DTNA: variants seen among roughly 807,000 people sequenced by gnomAD.
DTNA encodes the protein dystrophin-related protein 3.
DTNA carries 43 observed loss-of-function variants against 100.7 expected under a neutral mutation model. The observed-to-expected ratio is 0.43, with a 90% CI of 0.33 to 0.55. The LOEUF is 0.55. Ranked by LOEUF, DTNA falls within the 20% of genes least tolerant of loss-of-function variation. The probability of loss-of-function intolerance (pLI) is 0.04; values close to 1 mark genes in which losing one functional copy is unlikely to be tolerated. For missense variants in DTNA, 798 were observed against 953.9 expected, an observed-to-expected ratio of 0.84 and a Z score of 2.15; for synonymous variants, 349 against 347.9, an observed-to-expected ratio of 1.00 and a Z score of -0.04.
At position 34,812,062 on chromosome 18, in the gene DTNA, T is replaced by C. The variant is rs201461820; in HGVS notation, c.552T>C (p.Gly184=). 1 of 1,614,050 alleles carries C rather than the reference T, an allele frequency of 6.2e-7. No homozygotes were observed. The highest frequency in any genetic ancestry group is 1.3e-5 in the African/African-American group (1 of 75,036). Residue 184 remains glycine (G), a synonymous_variant, in exon 6 of 23, where the codon GGT becomes GGC. Coordinates refer to ENST00000444659, the MANE Select transcript of DTNA (RefSeq NM_001386795.1). ...VLKLPTAVFE[G]PSFGYTEQSA... is the part of the protein sequence containing the mutation. ...AACTACCCACGGCAGTTTTTGAAGGTCCTTCATTTGGTTACACAGAACAGT... is the reference window on the plus strand; with the variant it reads ...AACTACCCACGGCAGTTTTTGAAGGCCCTTCATTTGGTTACACAGAACAGT...
At chr18:34,866,273 C>T in intron 17 of DTNA, 1 of 1,560,256 alleles carries the variant, frequency 6.4e-7, no homozygotes, top group South Asian at 1.2e-5. Flanking sequence ...GCTTCTTTTT[C>T]AATGTAGTGC....
chr18:34,880,571 T>C, intron 20 of DTNA, among the ~76,000 whole-genome samples: 1 of 152,172 alleles, frequency 6.6e-6, no homozygotes, highest in East Asian at 1.9e-4. Flanking sequence ...TGATGTTGCT[T>C]AATATGAAAA....
intron 10 of DTNA, chr18:34,829,162 A>C: frequency 1.2e-6 from 2 of 1,612,898 alleles, no homozygotes; most frequent in African/African-American, 1.3e-5. Flanking sequence ...CCATTAACCC[A>C]AAATATGATT....
chr18:34,519,010 A>T (rs899003818), intron 1 of DTNA, among the ~76,000 whole-genome samples: 1 of 152,082 alleles, frequency 6.6e-6, no homozygotes, highest in Admixed American at 6.6e-5. Flanking sequence ...GAGTGAATAG[A>T]TCTGAGGAGT....
At chr18:34,534,842 A>G (rs1401629989) in intron 1 of DTNA, among the ~76,000 whole-genome samples, 1 of 152,128 alleles carries the variant, frequency 6.6e-6, no homozygotes, top group African/African-American at 2.4e-5. Flanking sequence ...TAATGGCTGC[A>G]TAGTATTCCA....
At chr18:34,733,531 C>T (rs1028879562) in intron 1 of DTNA, among the ~76,000 whole-genome samples, 3 of 152,152 alleles carry the variant, frequency 2.0e-5, no homozygotes, top group African/African-American at 4.8e-5. Context: ...GACCCTGCCA[C>T]CTTGGGATCC....
intron 1 of DTNA, among the ~76,000 whole-genome samples, chr18:34,571,934 G>A (rs975781469): frequency 5.9e-5 from 9 of 152,168 alleles, no homozygotes; most frequent in Admixed American, 2.0e-4. Flanking sequence ...GCAACACAGC[G>A]TTCATTTTTC....
chr18:34,851,252 C>T (rs1365544850), intron 14 of DTNA, among the ~76,000 whole-genome samples: 3 of 152,114 alleles, frequency 2.0e-5, no homozygotes, highest in African/African-American at 7.2e-5. Context: ...CAGGTGTGTG[C>T]CACCAGGCCC....
At chr18:34,700,035 G>A (rs2081154047) in intron 1 of DTNA, among the ~76,000 whole-genome samples, 1 of 152,170 alleles carries the variant, frequency 6.6e-6, no homozygotes, top group Non-Finnish European at 1.5e-5. Context: ...ATGCAGTGAT[G>A]AAGAAAATCA....
At chr18:34,653,523 T>C (rs540189899) in intron 1 of DTNA, among the ~76,000 whole-genome samples, 1 of 152,272 alleles carries the variant, frequency 6.6e-6, no homozygotes, top group East Asian at 1.9e-4. Flanking sequence ...TAAAGAGTTT[T>C]TTAAAAATAC....
In DTNA at chr18:34,725,308, C is replaced by T. The variant is rs149407597; in HGVS notation, c.-2+14863C>T. On this transcript the variant is annotated intron_variant, in intron 1 of 22. Coordinates refer to ENST00000444659, the MANE Select transcript of DTNA (RefSeq NM_001386795.1). ...AGAAACTATCAACAGAGTGAACAGGCAACCTACAGAATAGGAGAAAATTTT... is the reference window on the plus strand; with the variant it reads ...AGAAACTATCAACAGAGTGAACAGGTAACCTACAGAATAGGAGAAAATTTT... 2.2e-3 allele frequency among the ~76,000 whole-genome samples: 329 copies of T among 151,766 alleles called. 2 individuals are homozygous for T. Among genetic ancestry groups the T allele is most frequent in the African/African-American group, 7.3e-3 (304 of 41,436 alleles).
chr18:34,652,236 A>G (rs2060542208), intron 1 of DTNA, among the ~76,000 whole-genome samples: 1 of 152,144 alleles, frequency 6.6e-6, no homozygotes, highest in East Asian at 1.9e-4. Flanking sequence ...AGATCACCAG[A>G]AGGAATAGCA....
chr18:34,654,826 A>G (rs946557016), intron 1 of DTNA, among the ~76,000 whole-genome samples: 3 of 152,054 alleles, frequency 2.0e-5, no homozygotes, highest in Non-Finnish European at 4.4e-5. Context: ...TCCTGGGTTC[A>G]AGCGATTCTC....
intron 1 of DTNA, among the ~76,000 whole-genome samples, chr18:34,497,890 T>A (rs1422920224): frequency 6.6e-6 from 1 of 152,188 alleles, no homozygotes; most frequent in Non-Finnish European, 1.5e-5. Context: ...ACTATTAAAA[T>A]TTTTAAAATC....
At chr18:34,512,121 G>C (rs922978506) in intron 1 of DTNA, among the ~76,000 whole-genome samples, 1 of 151,998 alleles carries the variant, frequency 6.6e-6, no homozygotes, top group Non-Finnish European at 1.5e-5. Context: ...TTTAATCCCA[G>C]AAGTCCCACT....
chr18:34,501,051 C>A (rs2039868476), intron 1 of DTNA, among the ~76,000 whole-genome samples: 1 of 152,160 alleles, frequency 6.6e-6, no homozygotes, highest in Non-Finnish European at 1.5e-5. Flanking sequence ...CAGTGGAAAG[C>A]ATTCACTCTT....
chr18:34,805,596 A>T (rs2095340367), intron 4 of DTNA, among the ~76,000 whole-genome samples: 2 of 152,168 alleles, frequency 1.3e-5, no homozygotes, highest in Admixed American at 1.3e-4. Flanking sequence ...AAGTGCTAGG[A>T]TTACAGACGT....
At chr18:34,726,257 A>G (rs2086666156) in intron 1 of DTNA, among the ~76,000 whole-genome samples, 1 of 152,176 alleles carries the variant, frequency 6.6e-6, no homozygotes, top group Non-Finnish European at 1.5e-5. Context: ...AATTTAAAAA[A>G]AAATAAAAAG....
At chr18:34,745,618 C>T (rs748485250) in intron 1 of DTNA, among the ~76,000 whole-genome samples, 5 of 152,204 alleles carry the variant, frequency 3.3e-5, no homozygotes, top group Non-Finnish European at 5.9e-5. Context: ...TCACTGTCTT[C>T]TCCCACCTTC....
Sources: allele counts gnomAD v4.1 joint callset (sites outside exome capture counted in the v4.1 genomes callset), GRCh38; gene constraint gnomAD v4.1.1; transcripts MANE v1.5; gene names NCBI Gene and HGNC (gene_info 2026-07-23, HGNC 2026-07-21).